Variants in CD276 observed in about 807,000 individuals in gnomAD.
The protein encoded by CD276 is CD276 molecule.
A neutral mutation model predicts 50.0 loss-of-function variants in CD276; 34 were observed. That is an observed-to-expected ratio of 0.68 (90% CI 0.52 to 0.91). The LOEUF (loss-of-function observed/expected upper bound fraction) is 0.91. CD276 is among the 40% of genes least tolerant of loss of function. The probability of loss-of-function intolerance (pLI) is 0.00; values close to 1 mark genes in which losing one functional copy is unlikely to be tolerated. For synonymous variants in CD276, 275 were observed against 313.0 expected (o/e 0.88, Z 1.28); for missense variants, 634 against 717.5 (o/e 0.88, Z 1.33).
At chr15:73,706,140 C>T (rs1327734577) in intron 6 of CD276, among the ~76,000 whole-genome samples, 3 of 152,168 alleles carry the variant, frequency 2.0e-5, no homozygotes, top group Non-Finnish European at 4.4e-5. Flanking sequence ...GTCCCAGCTA[C>T]TTGGGAGGCT....
chr15:73,703,798 A>G lies in CD276; in HGVS notation c.873A>G (p.Lys291=), dbSNP rs369209126. 81 of 1,613,434 alleles carry G rather than the reference A, an allele frequency of 5.0e-5. No individual in the cohort carries two copies. The highest frequency in any genetic ancestry group is 4.9e-4 in the Middle Eastern group (3 of 6,078). The part of the protein sequence containing the change: ...LNLIWQLTDT[K]QLVHSFTEGR... ...TCATCTGGCAGCTGACAGACACCAA[A>G]CAGCTGGTGCACAGTTTCACCGAAG... The change falls in exon 5 of 10, where the codon AAA becomes AAG. Residue 291 remains lysine (K), a synonymous_variant. Coordinates refer to ENST00000318443, the MANE Select transcript of CD276 (RefSeq NM_001024736.2).
intron 1 of CD276, among the ~76,000 whole-genome samples, chr15:73,689,676 G>A (rs559200156): frequency 9.9e-4 from 151 of 152,314 alleles, no homozygotes; most frequent in Non-Finnish European, 1.9e-3. Flanking sequence ...GCTCAGAGAG[G>A]ATATTTTCAT....
chr15:73,699,664 G>A lies in CD276; in HGVS notation c.25G>A (p.Gly9Ser), dbSNP rs1900301058. The change falls in exon 2 of 10, where the codon GGC becomes AGC. Residue 9 changes from glycine to serine, a missense_variant. Gly to Ser is a moderately conservative substitution (Grantham distance 56). Coordinates refer to ENST00000318443, the MANE Select transcript of CD276 (RefSeq NM_001024736.2). Reference protein sequence around the residue: MLRRRGSPGMGVHVGAALG... With the variant: MLRRRGSPSMGVHVGAALG... ...GATGCTGCGTCGGCGGGGCAGCCCTGGCATGGGTGTGCATGTGGGTGCAGC... is the reference window on the plus strand; with the variant it reads ...GATGCTGCGTCGGCGGGGCAGCCCTAGCATGGGTGTGCATGTGGGTGCAGC... The A allele has an allele frequency of 6.2e-7, 1 of 1,613,410 alleles. No individual in the cohort carries two copies.
rs1312910973 is a variant in CD276 at position 73,704,283 on chromosome 15, G to T, written c.1180G>T (p.Val394Leu). ...CTACCGGGGCTACCCTGAGGCTGAGGTGTTCTGGCAGGATGGGCAGGGTGT... is the reference window on the plus strand; with the variant it reads ...CTACCGGGGCTACCCTGAGGCTGAGTTGTTCTGGCAGGATGGGCAGGGTGT... ...SSYRGYPEAE[V>L]FWQDGQGVPL... Residue 394 changes from valine to leucine, a missense_variant, in exon 6 of 10, where the codon GTG (valine) becomes TTG (leucine). Physicochemically the swap from Val to Leu is conservative, Grantham distance 32 (BLOSUM62 1). Transcript: ENST00000318443. The surrounding 1 kb of genome is among the most constrained non-coding windows in gnomAD (Gnocchi z 4.1). 1.2e-6 allele frequency: 2 copies of T among 1,614,078 alleles called. No individual in the cohort carries two copies. The highest frequency in any genetic ancestry group is 1.7e-5 in the Admixed American group (1 of 60,024).
At chr15:73,706,914 C>A (rs999704414) in intron 6 of CD276, among the ~76,000 whole-genome samples, 3 of 152,100 alleles carry the variant, frequency 2.0e-5, no homozygotes, top group Non-Finnish European at 4.4e-5. Flanking sequence ...TGGCTCTGCC[C>A]CCTCCTCTGC....
intron 4 of CD276, among the ~76,000 whole-genome samples, chr15:73,703,415 C>T (rs1900498058): frequency 6.6e-6 from 1 of 152,042 alleles, no homozygotes; most frequent in Non-Finnish European, 1.5e-5. Context: ...AGTCACCTGC[C>T]CCAGGCCTGG....
At chr15:73,708,549 A>T in intron 7 of CD276, 76 bp downstream of exon 7, 1 of 1,491,606 alleles carries the variant, frequency 6.7e-7, no homozygotes, top group East Asian at 2.4e-5. Context: ...TTTGATGTCA[A>T]TAGAGTGTCA....
chr15:73,703,700 C>T lies in CD276; in HGVS notation c.775C>T (p.Leu259=), dbSNP rs747426442. The T allele has an allele frequency of 6.2e-7, 1 of 1,613,014 alleles. No individual in the cohort carries two copies. Among genetic ancestry groups the T allele is most frequent in the South Asian group, 1.1e-5 (1 of 91,044 alleles). The change falls in exon 5 of 10, where the codon CTA becomes TTA. Residue 259 remains leucine, a synonymous_variant. Coordinates refer to ENST00000318443, the MANE Select transcript of CD276 (RefSeq NM_001024736.2). ...GGTCCCTGAGGACCCGGTGGTGGCCCTAGTGGGCACCGATGCCACCCTGCG... is the reference window on the plus strand; with the variant it reads ...GGTCCCTGAGGACCCGGTGGTGGCCTTAGTGGGCACCGATGCCACCCTGCG... The part of the protein sequence containing the change: ...VQVPEDPVVA[L]VGTDATLRCS...
In CD276 at chr15:73,702,821, G is replaced by A. The variant is rs1204758360; in HGVS notation, c.468G>A (p.Arg156=). 3.1e-6 allele frequency: 5 copies of A among 1,613,984 alleles called. No individual in the cohort carries two copies. The highest frequency in any genetic ancestry group is 3.4e-6 in the Non-Finnish European group (4 of 1,180,024). The change falls in exon 4 of 10, where the codon CGG becomes CGA. Residue 156 remains arginine (R), a synonymous_variant. Coordinates refer to ENST00000318443, the MANE Select transcript of CD276 (RefSeq NM_001024736.2). ...CCCTGGAGCCCAACAAGGACCTGCG[G>A]CCAGGGGACACGGTGACCATCACGT... The part of the protein sequence containing the change: ...SMTLEPNKDL[R]PGDTVTITCS...
chr15:73,704,485 G>T lies in CD276; in HGVS notation c.1369+13G>T. On this transcript the variant is annotated intron_variant, in intron 6 of 9. Transcript: ENST00000318443. The surrounding 1 kb of genome is among the most constrained non-coding windows in gnomAD (Gnocchi z 4.1). ...GTCACCATCACAGGTAAGGGCAGATGAACAGCTGGGGAAGGACGGAGCGAG... is the reference window on the plus strand; with the variant it reads ...GTCACCATCACAGGTAAGGGCAGATTAACAGCTGGGGAAGGACGGAGCGAG... The T allele has an allele frequency of 6.2e-7, 1 of 1,608,150 alleles. No homozygotes were observed. Among genetic ancestry groups the T allele is most frequent in the East Asian group, 2.2e-5 (1 of 44,724 alleles).
Position 73,703,046 on chromosome 15 carries a change from G to A in CD276, c.693G>A (p.Ala231=), listed in dbSNP as rs749412872. The change falls in exon 4 of 10, where the codon GCG becomes GCA. Residue 231 remains alanine, a synonymous_variant. Transcript: ENST00000318443. ...LVRNPVLQQD[A]HSSVTITPQR... ...GCAACCCCGTGCTGCAGCAGGATGC[G>A]CACAGCTCTGTCACCATCACACCCC... 6.2e-6 allele frequency: 10 copies of A among 1,612,060 alleles called. No homozygotes were observed. Among genetic ancestry groups the A allele is most frequent in the South Asian group, 3.3e-5 (3 of 90,800 alleles).
chr15:73,707,549 C>T (rs1013170050), intron 6 of CD276, among the ~76,000 whole-genome samples: 1 of 152,218 alleles, frequency 6.6e-6, no homozygotes, highest in African/African-American at 2.4e-5. Context: ...CGTCAGTGAC[C>T]TCATCTGTAT....
chr15:73,687,075 G>C lies in CD276; in HGVS notation c.-55+2615G>C, dbSNP rs574762440. ...GTGAGGACTGGTCCACATGATTTTT[G>C]AGAAATTGCCTTTGGTCTTGTTGGC... On this transcript the variant is annotated intron_variant, in intron 1 of 9. Transcript: ENST00000318443. This position sits in a 1 kb window ranked among gnomAD's most constrained non-coding sequence, Gnocchi z 4.0. Among the ~76,000 whole-genome samples the C allele has an allele frequency of 6.6e-6, 1 of 152,228 alleles. No individual in the cohort carries two copies. The highest frequency in any genetic ancestry group is 2.4e-5 in the African/African-American group (1 of 41,532).
chr15:73,690,896 A>G (rs947426376), intron 1 of CD276: 5 of 429,146 alleles, frequency 1.2e-5, no homozygotes, highest in Admixed American at 2.6e-5. Flanking sequence ...TCTGTAGGCT[A>G]TGGAGGAGCT....
In CD276 at chr15:73,702,886, G is replaced by A; in HGVS notation, c.533G>A (p.Trp178Ter). Residue 178 changes from tryptophan to a stop codon, truncating the protein, a stop_gained, in exon 4 of 10, where the codon TGG (tryptophan) becomes TAG (stop). Coordinates refer to ENST00000318443, the MANE Select transcript of CD276 (RefSeq NM_001024736.2). LOFTEE classifies it high-confidence loss of function. Reference protein sequence around the residue: ...YQGYPEAEVFWQDGQGVPLTG... With the variant: ...YQGYPEAEVF Reference sequence around the variant, plus strand: ...GGCTACCCTGAGGCTGAGGTGTTCTGGCAGGATGGGCAGGGTGTGCCCCTG... The same window carrying A: ...GGCTACCCTGAGGCTGAGGTGTTCTAGCAGGATGGGCAGGGTGTGCCCCTG... 3 of 1,614,078 alleles carry A rather than the reference G, an allele frequency of 1.9e-6. No individual in the cohort carries two copies. The highest frequency in any genetic ancestry group is 1.3e-5 in the African/African-American group (1 of 75,050).
chr15:73,706,580 C>T (rs141991949), intron 6 of CD276, among the ~76,000 whole-genome samples: 1 of 152,382 alleles, frequency 6.6e-6, no homozygotes, highest in African/African-American at 2.4e-5. Flanking sequence ...CCTCTCCTTC[C>T]CACCAGCCAG....
Position 73,704,443 on chromosome 15 carries a change from A to G in CD276, c.1340A>G (p.Gln447Arg). 1.2e-6 allele frequency: 2 copies of G among 1,613,796 alleles called. No homozygotes were observed. The highest frequency in any genetic ancestry group is 2.7e-5 in the African/African-American group (2 of 75,048). ...SCLVRNPVLQ[Q>R]DAHGSVTITG... ...CTGGTGCGCAACCCCGTGCTGCAGC[A>G]GGATGCGCACGGCTCTGTCACCATC... Residue 447 changes from glutamine (Q) to arginine (R), a missense_variant, in exon 6 of 10, where the codon CAG (glutamine) becomes CGG (arginine). Gln to Arg is a conservative substitution (Grantham distance 43). Coordinates refer to ENST00000318443, the MANE Select transcript of CD276 (RefSeq NM_001024736.2). The surrounding 1 kb of genome is among the most constrained non-coding windows in gnomAD (Gnocchi z 4.1).
Position 73,713,503 on chromosome 15 carries a change from C to A in CD276, c.*547C>A. ...AGGGACAGTGCGGCCTCAACATCTCCTGGAGTCTAGAAGCTGTTTCCTTTC... is the reference window on the plus strand; with the variant it reads ...AGGGACAGTGCGGCCTCAACATCTCATGGAGTCTAGAAGCTGTTTCCTTTC... On this transcript the variant is annotated 3_prime_UTR_variant, in exon 10 of 10. Coordinates refer to ENST00000318443, the MANE Select transcript of CD276 (RefSeq NM_001024736.2). The A allele has an allele frequency of 3.4e-6, 1 of 297,456 alleles. No individual in the cohort carries two copies. Among genetic ancestry groups the A allele is most frequent in the Non-Finnish European group, 6.4e-6 (1 of 155,116 alleles). The allele number at this position is 297,456 out of a possible 1,614,324, so 18.4% of individuals were successfully genotyped here.
At chr15:73,698,969 A>G (rs1484476806) in intron 1 of CD276, among the ~76,000 whole-genome samples, 1 of 152,170 alleles carries the variant, frequency 6.6e-6, no homozygotes, top group Non-Finnish European at 1.5e-5. Flanking sequence ...TGTGATTAAA[A>G]TGCTCCCCAG....
Sources: gnomAD v4.1 joint callset for allele counts (sites outside exome capture counted in the v4.1 genomes callset) on GRCh38, gnomAD v4.1.1 for gene constraint, Gnocchi (gnomAD v3.1) non-coding constraint, MANE v1.5 for transcripts, NCBI Gene and HGNC (gene_info 2026-07-23, HGNC 2026-07-21) for gene names.